The following CCSER1 variants were observed in gnomAD, a reference collection of about 807,000 sequenced individuals.
CCSER1 encodes the protein coiled-coil serine rich protein 1, also known as serine-rich coiled-coil domain-containing protein 1.
In CCSER1, 41 loss-of-function variants were observed where a neutral mutation model predicts 82.0. The ratio of observed to expected loss-of-function variants is 0.50; its 90% confidence interval spans 0.39 to 0.65. CCSER1 has a LOEUF of 0.65. Among genes scored for constraint, CCSER1 ranks in the 30% least tolerant of loss-of-function variants. The pLI is 0.00. For missense variants in CCSER1, 1,119 were observed against 1,064.2 expected (o/e 1.05, Z -0.72); for synonymous variants, 414 against 383.9 (o/e 1.08, Z -0.92).
chr4:91,403,435 A>G (rs1048205823), intron 10 of CCSER1, among the ~76,000 whole-genome samples: 2 of 152,192 alleles, frequency 1.3e-5, no homozygotes, highest in Non-Finnish European at 2.9e-5. Context: ...CATTATGTTC[A>G]ATAGGAGTAG....
chr4:90,475,779 A>T (rs558187354), intron 5 of CCSER1, among the ~76,000 whole-genome samples: 1 of 152,320 alleles, frequency 6.6e-6, no homozygotes, highest in African/African-American at 2.4e-5. Context: ...AGGGAACTAC[A>T]GAATACTGGC....
chr4:90,502,351 G>T (rs1770022367), intron 5 of CCSER1, among the ~76,000 whole-genome samples: 1 of 152,104 alleles, frequency 6.6e-6, no homozygotes, highest in South Asian at 2.1e-4. Flanking sequence ...GATCTCTTGA[G>T]AATTCACTAA....
intron 7 of CCSER1, among the ~76,000 whole-genome samples, chr4:90,727,512 T>G (rs1580175272): frequency 6.6e-6 from 1 of 152,330 alleles, no homozygotes; most frequent in Admixed American, 6.5e-5. Context: ...CTCCCTGATT[T>G]CTTGCAAACA....
At chr4:90,424,016 G>A (rs1447907883) in intron 4 of CCSER1, among the ~76,000 whole-genome samples, 3 of 151,254 alleles carry the variant, frequency 2.0e-5, no homozygotes, top group Admixed American at 6.6e-5. Flanking sequence ...GCGTGAACCC[G>A]GGAGGCTGAG....
At chr4:90,815,643 G>T in intron 7 of CCSER1, 119 bp from the exon 8 acceptor site, 1 of 613,162 alleles carries the variant, frequency 1.6e-6, no homozygotes, top group South Asian at 2.6e-5. Context: ...TACTATAGAG[G>T]GAATTTGAGT....
intron 8 of CCSER1, among the ~76,000 whole-genome samples, chr4:90,823,278 T>C (rs940237126): frequency 6.6e-6 from 1 of 152,082 alleles, no homozygotes; most frequent in Admixed American, 6.6e-5. Context: ...TTTTTTTCAA[T>C]TATCACATTT....
chr4:90,855,935 T>C (rs1248097395), intron 8 of CCSER1, among the ~76,000 whole-genome samples: 1 of 152,156 alleles, frequency 6.6e-6, no homozygotes, highest in Non-Finnish European at 1.5e-5. Flanking sequence ...CATTCATTCA[T>C]TGAACATTTT....
At chr4:90,395,618 G>T (rs962337600) in intron 3 of CCSER1, among the ~76,000 whole-genome samples, 9 of 150,754 alleles carry the variant, frequency 6.0e-5, no homozygotes, top group African/African-American at 1.9e-4. Context: ...TAATGTTGGA[G>T]TTTGCTTTTA....
At chr4:91,295,075 T>C (rs1408267956) in intron 10 of CCSER1, among the ~76,000 whole-genome samples, 1 of 151,998 alleles carries the variant, frequency 6.6e-6, no homozygotes, top group Non-Finnish European at 1.5e-5. Context: ...AGGTGCTTGC[T>C]TACACAGTAG....
intron 7 of CCSER1, among the ~76,000 whole-genome samples, chr4:90,777,681 T>C (rs62313026): frequency 0.26 from 38,851 of 152,020 alleles, 5,771 homozygotes; most frequent in East Asian, 0.34. Context: ...GCCAGCAGGA[T>C]TGTTGTATTA....
At chr4:90,331,896 C>T (rs1739354591) in intron 3 of CCSER1, among the ~76,000 whole-genome samples, 1 of 151,558 alleles carries the variant, frequency 6.6e-6, no homozygotes, top group South Asian at 2.1e-4. Context: ...TTGTCAGATT[C>T]ACAAAACAGA....
chr4:91,477,587 A>T (rs1757664340), intron 10 of CCSER1, among the ~76,000 whole-genome samples: 1 of 151,786 alleles, frequency 6.6e-6, no homozygotes, highest in Admixed American at 6.6e-5. Flanking sequence ...AATTTTCAAA[A>T]GTAGTTTTCA....
intron 9 of CCSER1, among the ~76,000 whole-genome samples, chr4:91,009,074 C>A (rs1404126677): frequency 1.3e-5 from 2 of 152,148 alleles, no homozygotes. Context: ...ACAGTGGACA[C>A]CCTGGGACAA....
At chr4:90,923,617 G>C (rs1422799151) in intron 9 of CCSER1, 170 bp downstream of exon 9, 1 of 518,440 alleles carries the variant, frequency 1.9e-6, no homozygotes, top group Non-Finnish European at 3.4e-6. Flanking sequence ...AACTAAAAAA[G>C]ATGATTACAG....
rs535353163 is a variant in CCSER1 at position 91,001,101 on chromosome 4, G to A, written c.2172+77654G>A. Among the ~76,000 whole-genome samples the A allele has an allele frequency of 9.2e-5, 14 of 152,100 alleles. No individual in the cohort carries two copies. The South Asian group carries it at 1.9e-3, about 20-fold the overall frequency. ...ATGTTCTTTTGATGCCTAGTTTATCGAGGGGCTTTAACATGAAGGGATGTT... is the reference window on the plus strand; with the variant it reads ...ATGTTCTTTTGATGCCTAGTTTATCAAGGGGCTTTAACATGAAGGGATGTT... On this transcript the variant is annotated intron_variant, in intron 9 of 10. Coordinates refer to ENST00000509176, the MANE Select transcript of CCSER1 (RefSeq NM_001145065.2).
intron 10 of CCSER1, among the ~76,000 whole-genome samples, chr4:91,467,986 G>A (rs1757027026): frequency 6.6e-6 from 1 of 152,138 alleles, no homozygotes; most frequent in South Asian, 2.1e-4. Context: ...ATTTGACCCA[G>A]CCATCCTATT....
chr4:90,915,666 T>G (rs559818389), intron 8 of CCSER1, among the ~76,000 whole-genome samples: 14 of 152,078 alleles, frequency 9.2e-5, no homozygotes, highest in African/African-American at 2.4e-4. Context: ...TCTGGCCAGG[T>G]CAATCAGGCA....
At chr4:90,669,257 T>C (rs1416926212) in intron 6 of CCSER1, among the ~76,000 whole-genome samples, 1 of 152,088 alleles carries the variant, frequency 6.6e-6, no homozygotes, top group Non-Finnish European at 1.5e-5. Flanking sequence ...TCTACAATAA[T>C]TGCATTTTTC....
chr4:90,337,889 C>G (rs748402215), intron 3 of CCSER1, among the ~76,000 whole-genome samples: 13 of 152,062 alleles, frequency 8.5e-5, no homozygotes, highest in Admixed American at 2.6e-4. Flanking sequence ...TCTTCATTGT[C>G]TGGCTGGGAT....
Sources: gnomAD v4.1 joint callset for allele counts (sites outside exome capture counted in the v4.1 genomes callset) on GRCh38, gnomAD v4.1.1 for gene constraint, MANE v1.5 for transcripts, NCBI Gene and HGNC (gene_info 2026-07-23, HGNC 2026-07-21) for gene names.